CSMD1: variants seen among roughly 807,000 people sequenced by gnomAD.
CSMD1 encodes the protein CUB and sushi domain-containing protein 1.
CSMD1 carries 213 observed loss-of-function variants against 417.5 expected under a neutral mutation model. That is an observed-to-expected ratio of 0.51 (90% CI 0.46 to 0.57). The LOEUF (loss-of-function observed/expected upper bound fraction) is 0.57, where lower values mean the gene tolerates loss of function less well. Ranked by LOEUF, CSMD1 falls within the 20% of genes least tolerant of loss-of-function variation. The pLI is 0.00. For missense variants in CSMD1, 6,923 were observed against 4,529.7 expected, an observed-to-expected ratio of 1.53 and a Z score of -15.17; for synonymous variants, 2,862 against 1,736.8, an observed-to-expected ratio of 1.65 and a Z score of -16.11.
At chr8:3,011,134 T>A (rs1319370494) in intron 52 of CSMD1, among the ~76,000 whole-genome samples, 1 of 152,216 alleles carries the variant, frequency 6.6e-6, no homozygotes, top group Non-Finnish European at 1.5e-5. Context: ...TGCTGCACCA[T>A]AGTTCTTGAG....
At chr8:4,164,611 C>G (rs1222403669) in intron 3 of CSMD1, among the ~76,000 whole-genome samples, 2 of 152,110 alleles carry the variant, frequency 1.3e-5, no homozygotes, top group Non-Finnish European at 2.9e-5. Context: ...ATTTAGGTAC[C>G]TTATTGGTTT....
chr8:4,215,721 T>G (rs1309857309), intron 3 of CSMD1, among the ~76,000 whole-genome samples: 2 of 152,194 alleles, frequency 1.3e-5, no homozygotes, highest in Non-Finnish European at 2.9e-5. Context: ...CAAATGTACA[T>G]GTGAATCTTC....
At chr8:3,854,105 ATATAGTTATATAT>A (rs1804123048) in intron 5 of CSMD1, among the ~76,000 whole-genome samples, 1 of 146,216 alleles carries the variant, frequency 6.8e-6, no homozygotes, top group Non-Finnish European at 1.5e-5. Context: ...ATTATACTTT[ATATAGTTATATAT>A]TATACTTATA....
intron 41 of CSMD1, chr8:3,127,903 G>C (rs563293886): frequency 8.8e-6 from 1 of 113,842 alleles, no homozygotes; most frequent in South Asian, 3.4e-4. Context: ...AGGAATGAAG[G>C]AAGGAAGGAA....
chr8:3,700,107 G>A (rs1249595281), intron 7 of CSMD1, among the ~76,000 whole-genome samples: 2 of 152,138 alleles, frequency 1.3e-5, no homozygotes. Context: ...GACGTTGGGG[G>A]AAGAGTGGGA....
chr8:4,841,267 C>T (rs1021937224), intron 1 of CSMD1, among the ~76,000 whole-genome samples: 6 of 152,186 alleles, frequency 3.9e-5, no homozygotes, highest in African/African-American at 1.4e-4. Context: ...CCAATGCAGC[C>T]TTTGGTTATT....
At chr8:3,175,477 C>T (rs796124814) in intron 37 of CSMD1, among the ~76,000 whole-genome samples, 5,806 of 55,290 alleles carry the variant, frequency 0.11, 172 homozygotes, top group East Asian at 0.3. Flanking sequence ...CTTCTTTTCC[C>T]TTCCTTCCTG....
intron 37 of CSMD1, among the ~76,000 whole-genome samples, chr8:3,176,006 G>T (rs259853): frequency 0.19 from 29,263 of 151,936 alleles, 2,931 homozygotes; most frequent in African/African-American, 0.24. Flanking sequence ...ATACCAATTA[G>T]GTTTAGGATA....
chr8:3,324,036 ACCCCAC>A (rs1806333686), intron 23 of CSMD1, among the ~76,000 whole-genome samples: 2 of 114,858 alleles, frequency 1.7e-5, no homozygotes, highest in Non-Finnish European at 3.6e-5. Context: ...AGTTTCCTTC[ACCCCAC>A]CTTTCATCAT....
intron 3 of CSMD1, among the ~76,000 whole-genome samples, chr8:4,134,892 G>A (rs1438780064): frequency 3.3e-5 from 5 of 152,144 alleles, no homozygotes; most frequent in Non-Finnish European, 5.9e-5. Context: ...AAATTGCTCG[G>A]AAGGCTTTCA....
At chr8:3,600,830 T>C (rs1394448577) in intron 8 of CSMD1, among the ~76,000 whole-genome samples, 1 of 152,052 alleles carries the variant, frequency 6.6e-6, no homozygotes. Context: ...GCAACATTCA[T>C]ATGCATGTTT....
chr8:3,898,036 T>C (rs1199027446), intron 5 of CSMD1, among the ~76,000 whole-genome samples: 1 of 152,180 alleles, frequency 6.6e-6, no homozygotes, highest in Non-Finnish European at 1.5e-5. Flanking sequence ...AATGCTATTC[T>C]TACCACCTAA....
At chr8:3,299,090 T>G (rs569346618) in intron 25 of CSMD1, among the ~76,000 whole-genome samples, 1 of 152,304 alleles carries the variant, frequency 6.6e-6, no homozygotes, top group Non-Finnish European at 1.5e-5. Flanking sequence ...AGTCATTTTT[T>G]ATTCAAATGT....
chr8:4,753,169 T>C (rs1038100246), intron 1 of CSMD1, among the ~76,000 whole-genome samples: 6 of 152,072 alleles, frequency 3.9e-5, no homozygotes, highest in Non-Finnish European at 5.9e-5. Context: ...AGATCATACA[T>C]ACAGGAGGCA....
intron 5 of CSMD1, among the ~76,000 whole-genome samples, chr8:3,879,698 A>C (rs1806074590): frequency 6.6e-6 from 1 of 151,592 alleles, no homozygotes; most frequent in South Asian, 2.1e-4. Context: ...CTCAGAAAAA[A>C]ATGAAAGGCT....
intron 25 of CSMD1, among the ~76,000 whole-genome samples, chr8:3,291,466 T>C (rs1354744750): frequency 6.6e-6 from 1 of 152,194 alleles, no homozygotes; most frequent in African/African-American, 2.4e-5. Context: ...TCGACTTTTT[T>C]TGGTTGGTAA....
intron 1 of CSMD1, among the ~76,000 whole-genome samples, chr8:4,736,289 G>T (rs557707030): frequency 1.3e-5 from 2 of 152,158 alleles, no homozygotes; most frequent in African/African-American, 4.8e-5. Flanking sequence ...TGCACACTCT[G>T]TTGTGTATCC....
intron 10 of CSMD1, among the ~76,000 whole-genome samples, chr8:3,524,949 A>T (rs1026877): frequency 0.15 from 23,425 of 152,162 alleles, 2,073 homozygotes; most frequent in African/African-American, 0.21. Flanking sequence ...AATGTTTCTA[A>T]AAAGCACACT....
intron 3 of CSMD1, among the ~76,000 whole-genome samples, chr8:4,142,634 A>C (rs1803859331): frequency 6.6e-6 from 1 of 151,096 alleles, no homozygotes; most frequent in Non-Finnish European, 1.5e-5. Flanking sequence ...ATTTAATTGC[A>C]AATGAGAGAG....
Sources: allele counts gnomAD v4.1 joint callset (sites outside exome capture counted in the v4.1 genomes callset), GRCh38; gene constraint gnomAD v4.1.1; transcripts MANE v1.5; gene names NCBI Gene and HGNC (gene_info 2026-07-23, HGNC 2026-07-21).